CHST9: variants seen among roughly 807,000 people sequenced by gnomAD.
The protein encoded by CHST9 is GalNAc-4-sulfotransferase 2.
A neutral mutation model predicts 44.4 loss-of-function variants in CHST9; 41 were observed. The ratio of observed to expected loss-of-function variants is 0.92; its 90% CI spans 0.72 to 1.20. The LOEUF (loss-of-function observed/expected upper bound fraction) is 1.20. Ranked by LOEUF, CHST9 falls within the 50% of genes most tolerant of loss-of-function variation. CHST9 has a pLI of 0.00. For missense variants in CHST9, 504 were observed against 516.5 expected (o/e 0.98, Z 0.23); for synonymous variants, 171 against 178.4 (o/e 0.96, Z 0.33).
intron 4 of CHST9, 72 bp from the exon 5 acceptor site, chr18:26,944,438 C>T (rs1015168319): frequency 9.3e-7 from 1 of 1,072,384 alleles, no homozygotes; most frequent in South Asian, 1.3e-5. Flanking sequence ...TGATGCTGCT[C>T]TGTTTACAGT....
chr18:27,143,078 C>G (rs1226143044), intron 1 of CHST9, 173 bp from the exon 2 acceptor site: 2 of 236,314 alleles, frequency 8.5e-6, no homozygotes, highest in Non-Finnish European at 1.6e-5. Context: ...CTATTGCATA[C>G]TTTTATCTTA....
intron 5 of CHST9, among the ~76,000 whole-genome samples, chr18:26,938,468 A>G (rs1167590571): frequency 6.6e-6 from 1 of 152,180 alleles, no homozygotes; most frequent in Admixed American, 6.5e-5. Flanking sequence ...GATCTTTACT[A>G]GCTCCATTAG....
At position 26,913,281 on chromosome 18, in the gene CHST9, A is replaced by C. The variant is rs1442571531; in HGVS notation, c.*2978T>G. On this transcript the variant is annotated 3_prime_UTR_variant, in exon 6 of 6. Coordinates refer to ENST00000618847, the MANE Select transcript of CHST9 (RefSeq NM_031422.6). ...AACTACTAATTCCCTAATGATAATA[A>C]TATTATTATTTTCTGTTACAGAATG... 1 of 152,164 alleles carries C rather than the reference A, an allele frequency of 6.6e-6. No individual in the cohort carries two copies. Among genetic ancestry groups the C allele is most frequent in the African/African-American group, 2.4e-5 (1 of 41,444 alleles). The allele number at this position is 152,164 out of a possible 1,614,324, so 9.4% of individuals were successfully genotyped here.
At chr18:27,067,554 G>A (rs151111374) in intron 2 of CHST9, among the ~76,000 whole-genome samples, 121 of 152,202 alleles carry the variant, frequency 7.9e-4, no homozygotes, top group African/African-American at 2.8e-3. Flanking sequence ...TAGTACCCAA[G>A]GTGTTTCTTT....
At chr18:27,039,541 T>C (rs1196633816) in intron 3 of CHST9, among the ~76,000 whole-genome samples, 4 of 152,086 alleles carry the variant, frequency 2.6e-5, no homozygotes, top group Non-Finnish European at 5.9e-5. Flanking sequence ...GAATACAGAG[T>C]TTCAGTTGTG....
At chr18:27,022,352 G>C (rs1001927730) in intron 4 of CHST9, among the ~76,000 whole-genome samples, 6 of 151,958 alleles carry the variant, frequency 3.9e-5, no homozygotes, top group African/African-American at 9.7e-5. Context: ...CTTTTCTCCT[G>C]TCTCAGGAAG....
At chr18:26,997,488 T>C (rs965786788) in intron 4 of CHST9, among the ~76,000 whole-genome samples, 9 of 152,208 alleles carry the variant, frequency 5.9e-5, no homozygotes, top group African/African-American at 2.2e-4. Flanking sequence ...CACTATGTAG[T>C]GATGAGATTT....
chr18:27,145,368 G>C (rs907914778), intron 1 of CHST9, among the ~76,000 whole-genome samples: 5 of 152,116 alleles, frequency 3.3e-5, no homozygotes, highest in African/African-American at 4.8e-5. Context: ...TATTTTAGTA[G>C]AGATGGAGTT....
chr18:27,138,782 G>A (rs2058538743), intron 2 of CHST9, among the ~76,000 whole-genome samples: 1 of 152,044 alleles, frequency 6.6e-6, no homozygotes. Context: ...CTGAGGCTTA[G>A]AGAGGCAAAG....
At chr18:27,026,982 A>G (rs1296114253) in intron 3 of CHST9, among the ~76,000 whole-genome samples, 3 of 152,218 alleles carry the variant, frequency 2.0e-5, no homozygotes, top group African/African-American at 2.4e-5. Context: ...AAACATCATA[A>G]TAAGTGAATA....
intron 4 of CHST9, among the ~76,000 whole-genome samples, chr18:26,972,228 G>C (rs539851420): frequency 1.3e-5 from 2 of 151,804 alleles, no homozygotes; most frequent in Non-Finnish European, 2.9e-5. Context: ...GTGATAGCAC[G>C]GGCCTGTAGT....
chr18:27,150,628 T>C (rs775646951), intron 1 of CHST9, among the ~76,000 whole-genome samples: 7 of 152,228 alleles, frequency 4.6e-5, no homozygotes, highest in Non-Finnish European at 1.0e-4. Flanking sequence ...TCCTGTTTTT[T>C]CATTTTTAAA....
chr18:26,990,448 C>CT (rs567961121), intron 4 of CHST9, among the ~76,000 whole-genome samples: 6 of 152,094 alleles, frequency 3.9e-5, no homozygotes, highest in Non-Finnish European at 7.4e-5. Flanking sequence ...TTAGGATTCA[C>CT]TTTTTTATAA....
rs765899011 is a variant in CHST9 at position 26,907,745 on chromosome 18, C to G, written c.*8514G>C. 1 of 153,350 alleles carries G rather than the reference C, an allele frequency of 6.5e-6. No individual in the cohort carries two copies. The highest frequency in any genetic ancestry group is 1.5e-5 in the Non-Finnish European group (1 of 68,856). 9.5% of individuals were successfully genotyped at this position (153,350 alleles called of 1,614,324 possible). ...CTGGATAATAGTGGGTTTGATGCAGCTATCAGGTGATTAAGCTGGGAATGG... is the reference window on the plus strand; with the variant it reads ...CTGGATAATAGTGGGTTTGATGCAGGTATCAGGTGATTAAGCTGGGAATGG... On this transcript the variant is annotated 3_prime_UTR_variant, in exon 6 of 6. Transcript: ENST00000618847.
At chr18:27,179,848 C>T (rs2058898153) in intron 1 of CHST9, among the ~76,000 whole-genome samples, 1 of 152,038 alleles carries the variant, frequency 6.6e-6, no homozygotes, top group Non-Finnish European at 1.5e-5. Context: ...ACCAACTCAG[C>T]ACCAAATCAG....
chr18:27,101,572 T>C (rs1390614429), intron 2 of CHST9, among the ~76,000 whole-genome samples: 2 of 151,864 alleles, frequency 1.3e-5, no homozygotes, highest in African/African-American at 2.4e-5. Flanking sequence ...ATTGCGCCAC[T>C]GCAGTCCGGC....
At chr18:27,180,157 T>G (rs2058900590) in intron 1 of CHST9, among the ~76,000 whole-genome samples, 1 of 152,158 alleles carries the variant, frequency 6.6e-6, no homozygotes, top group Non-Finnish European at 1.5e-5. Flanking sequence ...CTAGTTTAAG[T>G]CTACCCTCAT....
At chr18:26,948,257 G>T (rs1202619263) in intron 4 of CHST9, among the ~76,000 whole-genome samples, 1 of 152,100 alleles carries the variant, frequency 6.6e-6, no homozygotes, top group African/African-American at 2.4e-5. Flanking sequence ...GGGAGTGGGG[G>T]ACCAGGGGAG....
At chr18:26,938,566 G>C (rs1008245380) in intron 5 of CHST9, among the ~76,000 whole-genome samples, 3 of 152,144 alleles carry the variant, frequency 2.0e-5, no homozygotes, top group African/African-American at 4.8e-5. Context: ...GCAAGGTAAT[G>C]CAATCCCACT....
Sources: allele counts gnomAD v4.1 joint callset (sites outside exome capture counted in the v4.1 genomes callset), GRCh38; gene constraint gnomAD v4.1.1; transcripts MANE v1.5; gene names NCBI Gene and HGNC (gene_info 2026-07-23, HGNC 2026-07-21).